FOXP1: variants seen among roughly 807,000 people sequenced by gnomAD.
FOXP1 encodes forkhead box protein P1.
Under a neutral mutation model 98.2 loss-of-function variants are expected in FOXP1, and 15 were observed. The observed-to-expected ratio is 0.15, with a 90% confidence interval of 0.10 to 0.24. The LOEUF is 0.24. FOXP1 is among the 10% of genes least tolerant of loss of function. The pLI, the probability that FOXP1 is intolerant of heterozygous loss-of-function variation, is 1.00. For missense variants in FOXP1, 633 were observed against 848.5 expected (o/e 0.75, Z 3.15); for synonymous variants, 371 against 314.5 (o/e 1.18, Z -1.90).
At chr3:71,151,874 T>C (rs1034757664) in intron 6 of FOXP1, among the ~76,000 whole-genome samples, 1 of 152,138 alleles carries the variant, frequency 6.6e-6, no homozygotes, top group Non-Finnish European at 1.5e-5. Context: ...TGGAGAACAA[T>C]CCACGAACAG....
intron 3 of FOXP1, among the ~76,000 whole-genome samples, chr3:71,398,552 T>C (rs746963682): frequency 1.3e-5 from 2 of 152,180 alleles, no homozygotes; most frequent in African/African-American, 2.4e-5. Flanking sequence ...TGTGGCTCAT[T>C]TGTCATGCTT....
At chr3:71,390,307 A>T (rs1211738164) in intron 3 of FOXP1, among the ~76,000 whole-genome samples, 1 of 152,182 alleles carries the variant, frequency 6.6e-6, no homozygotes, top group Non-Finnish European at 1.5e-5. Context: ...CAGACAAAAG[A>T]AACACATACT....
At position 70,955,145 on chromosome 3, in the gene FOXP1, C is replaced by G. The variant is rs1575631246; in HGVS notation, c.*4102G>C. 4.3e-6 allele frequency: 1 copy of G among 232,416 alleles called. No individual in the cohort carries two copies. Among genetic ancestry groups the G allele is most frequent in the Non-Finnish European group, 8.5e-6 (1 of 117,624 alleles). The allele number at this position is 232,416 out of a possible 1,614,324, so 14.4% of individuals were successfully genotyped here. ...AAAAGATTCAAAATCTGAATAAGCA[C>G]ACTCTTCTTTGTGCCTTTGGAAACG... On this transcript the variant is annotated 3_prime_UTR_variant, in exon 21 of 21. Transcript: ENST00000649528.
At chr3:71,111,103 C>A (rs1225642638) in intron 7 of FOXP1, among the ~76,000 whole-genome samples, 1 of 152,216 alleles carries the variant, frequency 6.6e-6, no homozygotes, top group Admixed American at 6.5e-5. Flanking sequence ...TGGGGATAAT[C>A]TGGGAACAGG....
rs146731842 is a variant in FOXP1, at chr3:71,458,203, C to G, written c.-168+35223G>C. ...ACTCCAACAATCAAAAACATTGCCC[C>G]TCAAGAAAGATGCAGCCCAGATTAT... On this transcript the variant is annotated intron_variant, in intron 3 of 20. Coordinates refer to ENST00000649528, the MANE Select transcript of FOXP1 (RefSeq NM_001349338.3). Among the ~76,000 whole-genome samples the G allele has an allele frequency of 7.2e-5, 11 of 152,312 alleles. No homozygotes were observed. In the East Asian group the frequency reaches 2.1e-3, roughly 29 times the overall value.
intron 3 of FOXP1, among the ~76,000 whole-genome samples, chr3:71,483,671 T>C (rs2090450862): frequency 6.6e-6 from 1 of 152,062 alleles, no homozygotes; most frequent in South Asian, 2.1e-4. Context: ...GGGACAAAGG[T>C]AAATAGTTGT....
chr3:71,554,584 T>C (rs1470034881), intron 2 of FOXP1, among the ~76,000 whole-genome samples: 1 of 152,210 alleles, frequency 6.6e-6, no homozygotes, highest in African/African-American at 2.4e-5. Context: ...TGAGTTTCTA[T>C]TTGAAACATC....
chr3:71,374,601 A>AT (rs536781487), intron 3 of FOXP1, among the ~76,000 whole-genome samples: 27 of 141,614 alleles, frequency 1.9e-4, no homozygotes, highest in Middle Eastern at 3.9e-3. Context: ...TCTCAAAAAA[A>AT]AAAATAAAAA....
chr3:71,351,022 C>G (rs1331601235), intron 4 of FOXP1, among the ~76,000 whole-genome samples: 5 of 152,116 alleles, frequency 3.3e-5, no homozygotes, highest in Non-Finnish European at 5.9e-5. Flanking sequence ...ACACACCAGA[C>G]CAATCACAGA....
chr3:71,401,150 A>G (rs2081935042), intron 3 of FOXP1, among the ~76,000 whole-genome samples: 1 of 152,244 alleles, frequency 6.6e-6, no homozygotes, highest in Admixed American at 6.5e-5. Context: ...TACATATGAA[A>G]GAAACTGTAC....
intron 5 of FOXP1, among the ~76,000 whole-genome samples, chr3:71,281,688 G>A (rs748062981): frequency 1.1e-4 from 16 of 152,218 alleles, no homozygotes; most frequent in Non-Finnish European, 2.1e-4. Context: ...TGGAAAACCT[G>A]TTCACAGTAC....
At chr3:71,058,549 A>T (rs1237969541) in intron 7 of FOXP1, among the ~76,000 whole-genome samples, 2 of 151,964 alleles carry the variant, frequency 1.3e-5, no homozygotes, top group Non-Finnish European at 2.9e-5. Context: ...AGAAGGCTCC[A>T]GAATGTCACA....
chr3:71,143,537 T>C (rs1180420061), intron 6 of FOXP1, among the ~76,000 whole-genome samples: 2 of 152,162 alleles, frequency 1.3e-5, no homozygotes, highest in East Asian at 1.9e-4. Context: ...TTTCCTCATA[T>C]GTAAAATGGA....
intron 4 of FOXP1, among the ~76,000 whole-genome samples, chr3:71,316,675 T>C (rs987975674): frequency 2.6e-5 from 4 of 151,686 alleles, no homozygotes; most frequent in Non-Finnish European, 4.4e-5. Flanking sequence ...TTTTTTTTTT[T>C]TGAGATGGAG....
At chr3:71,512,567 G>A (rs1335199600) in intron 2 of FOXP1, among the ~76,000 whole-genome samples, 1 of 152,164 alleles carries the variant, frequency 6.6e-6, no homozygotes, top group Admixed American at 6.5e-5. Flanking sequence ...AGCAATAGTA[G>A]TCCTCTTCTT....
At chr3:71,394,816 G>A (rs1222858710) in intron 3 of FOXP1, among the ~76,000 whole-genome samples, 1 of 152,040 alleles carries the variant, frequency 6.6e-6, no homozygotes, top group Non-Finnish European at 1.5e-5. Context: ...GAATTGAACT[G>A]GAGGCTGGGC....
chr3:71,446,704 G>A (rs745833042), intron 3 of FOXP1, among the ~76,000 whole-genome samples: 10 of 152,206 alleles, frequency 6.6e-5, no homozygotes, highest in Non-Finnish European at 1.5e-5. Context: ...ATTCTCCAAT[G>A]AGTATGTTTC....
chr3:71,392,995 G>A (rs2081140162), intron 3 of FOXP1, among the ~76,000 whole-genome samples: 1 of 152,110 alleles, frequency 6.6e-6, no homozygotes, highest in African/African-American at 2.4e-5. Context: ...TTTTTATTGA[G>A]ATAGCCTGAT....
chr3:71,348,550 C>T (rs9845913), intron 4 of FOXP1, among the ~76,000 whole-genome samples: 1,184 of 102,340 alleles, frequency 0.012, 35 homozygotes, highest in African/African-American at 0.01. Context: ...TGTGTGTGTG[C>T]GTGCGCGCGC....
Sources: gnomAD v4.1 joint callset for allele counts (sites outside exome capture counted in the v4.1 genomes callset) on GRCh38, gnomAD v4.1.1 for gene constraint, MANE v1.5 for transcripts, NCBI Gene and HGNC (gene_info 2026-07-23, HGNC 2026-07-21) for gene names.